Variants in SIMC1 observed in about 807,000 individuals in gnomAD.
SIMC1 encodes the protein SUMO interacting motifs containing 1.
A neutral mutation model predicts 82.3 loss-of-function variants in SIMC1; 55 were observed. The ratio of observed to expected loss-of-function variants is 0.67; its 90% CI spans 0.54 to 0.84. The LOEUF is 0.84. Ranked by LOEUF, SIMC1 falls within the 40% of genes least tolerant of loss-of-function variation. The pLI is 0.00. For synonymous variants in SIMC1, 353 were observed against 426.3 expected (o/e 0.83, Z 2.12); for missense variants, 915 against 1,107.2 (o/e 0.83, Z 2.46).
intron 1 of SIMC1, among the ~76,000 whole-genome samples, chr5:176,274,527 A>G (rs1426988974): frequency 6.6e-6 from 1 of 151,664 alleles, no homozygotes; most frequent in Non-Finnish European, 1.5e-5. Flanking sequence ...CCATTTGTCA[A>G]TTTTGGCTTT....
At chr5:176,332,751 T>TA (rs1358592221) in intron 7 of SIMC1, among the ~76,000 whole-genome samples, 1 of 152,180 alleles carries the variant, frequency 6.6e-6, no homozygotes, top group Non-Finnish European at 1.5e-5. Context: ...TTAAAATTAT[T>TA]AAAGAGTTCA....
chr5:176,311,906 GA>G (rs1764680376), intron 4 of SIMC1, among the ~76,000 whole-genome samples: 1 of 152,190 alleles, frequency 6.6e-6, no homozygotes, highest in Non-Finnish European at 1.5e-5. Context: ...TTTGGGAGAT[GA>G]AAAGGGACAG....
chr5:176,305,173 C>T (rs1175469453), intron 4 of SIMC1, among the ~76,000 whole-genome samples: 26 of 73,804 alleles, frequency 3.5e-4, no homozygotes, highest in Admixed American at 1.2e-4. Flanking sequence ...GCCAGCCGTG[C>T]CGTCCGGGAG....
At chr5:176,245,493 T>C (rs1761406505) in intron 1 of SIMC1, among the ~76,000 whole-genome samples, 1 of 152,244 alleles carries the variant, frequency 6.6e-6, no homozygotes, top group Admixed American at 6.5e-5. Context: ...TGGTAATTTT[T>C]ACTAGGAAAC....
At chr5:176,322,483 A>G (rs1012087724) in intron 6 of SIMC1, 58 bp downstream of exon 6, 20 of 1,522,026 alleles carry the variant, frequency 1.3e-5, no homozygotes, top group Non-Finnish European at 1.7e-5. Flanking sequence ...TTTAGAGAGA[A>G]CAACACCAAT....
Position 176,257,633 on chromosome 5 carries a change from C to T in SIMC1, c.129+18996C>T, listed in dbSNP as rs1397197833. Among the ~76,000 whole-genome samples the T allele has an allele frequency of 2.0e-5, 3 of 152,314 alleles. No individual in the cohort carries two copies. The East Asian group carries it at 5.8e-4, about 29-fold the overall frequency. On this transcript the variant is annotated intron_variant, in intron 1 of 9. Coordinates refer to ENST00000429602, the MANE Select transcript of SIMC1 (RefSeq NM_001308195.2). ...CCCAAATACCTCCCACCAGGCCCCA[C>T]CTCCAACCTTGGGGATTACAATTCA...
Position 176,289,727 on chromosome 5 carries a change from CAA to C in SIMC1, c.204_205del (p.Arg69SerfsTer2). Reference sequence around the variant, plus strand: ...AGTGGACTGTATGTGATTGACCTGACAAGAGCTGAGGGAGAAAATAGACCTAT... The same window carrying C: ...AGTGGACTGTATGTGATTGACCTGACGAGCTGAGGGAGAAAATAGACCTAT... On this transcript the variant is annotated frameshift_variant, in exon 2 of 10. Transcript: ENST00000429602. LOFTEE classifies it high-confidence loss of function. The C allele has an allele frequency of 1.2e-6, 2 of 1,613,454 alleles. No homozygotes were observed. Among genetic ancestry groups the C allele is most frequent in the Non-Finnish European group, 1.7e-6 (2 of 1,179,652 alleles).
At chr5:176,279,649 G>A (rs1225446298) in intron 1 of SIMC1, among the ~76,000 whole-genome samples, 5 of 150,066 alleles carry the variant, frequency 3.3e-5, no homozygotes, top group Admixed American at 6.7e-5. Context: ...CTTTGAATGC[G>A]TCCCAGAGAT....
At chr5:176,283,382 A>G (rs1055641855) in intron 1 of SIMC1, among the ~76,000 whole-genome samples, 2 of 152,196 alleles carry the variant, frequency 1.3e-5, no homozygotes, top group Admixed American at 1.3e-4. Context: ...ACATTCTTAA[A>G]GAAAAGAATT....
At chr5:176,304,719 C>T (rs1203152068) in intron 4 of SIMC1, among the ~76,000 whole-genome samples, 3 of 149,656 alleles carry the variant, frequency 2.0e-5, no homozygotes, top group Non-Finnish European at 4.5e-5. Flanking sequence ...TCCGCCCGGC[C>T]GCCATCCCAT....
At chr5:176,294,841 T>C (rs1487035183) in intron 2 of SIMC1, 189 bp from the exon 3 acceptor site, 5 of 692,368 alleles carry the variant, frequency 7.2e-6, no homozygotes, top group Admixed American at 3.3e-5. Flanking sequence ...GGTGGGCGCC[T>C]GTAGTCCCAG....
rs1762828034 is a variant in SIMC1, at chr5:176,278,655, ATGAAGGGTTGT to A, written c.130-10994_130-10984del. On this transcript the variant is annotated intron_variant, in intron 1 of 9. Transcript: ENST00000429602. ...ACCTAATTTATTGAGAGTTTTTAGC[ATGAAGGGTTGT>A]TGAATTTTGTCAAAGGCTTTTTCTG... 5.5e-5 allele frequency among the ~76,000 whole-genome samples: 4 copies of A among 72,348 alleles called. No individual in the cohort carries two copies. In the South Asian group the frequency reaches 1.5e-3, roughly 27 times the overall value. The allele number at this position is 72,348 out of a possible 152,430, so 47.5% of individuals were successfully genotyped here.
chr5:176,322,560 A>G, intron 6 of SIMC1, 135 bp downstream of exon 6: 2 of 1,107,158 alleles, frequency 1.8e-6, no homozygotes, highest in South Asian at 5.1e-5. Flanking sequence ...TTCAAGACTT[A>G]GTTTAACTAG....
intron 7 of SIMC1, among the ~76,000 whole-genome samples, chr5:176,335,549 A>G (rs901840735): frequency 1.3e-5 from 2 of 151,694 alleles, no homozygotes; most frequent in African/African-American, 4.8e-5. Flanking sequence ...AAGTGCTAGG[A>G]TTACAGGCAT....
chr5:176,287,631 A>T (rs1763349969), intron 1 of SIMC1, among the ~76,000 whole-genome samples: 2 of 139,964 alleles, frequency 1.4e-5, no homozygotes, highest in South Asian at 2.3e-4. Flanking sequence ...AAATATAATA[A>T]TTTTTTAAAA....
Position 176,290,502 on chromosome 5 carries a change from A to G in SIMC1, c.978A>G (p.Pro326=). Residue 326 remains proline, a synonymous_variant, in exon 2 of 10, where the codon CCA becomes CCG. Transcript: ENST00000429602. Reference sequence around the variant, plus strand: ...CACCAAGTGATGTTTCACCGTCACCAGATGCACCACAGTCACCAGGGGGCA... The same window carrying G: ...CACCAAGTGATGTTTCACCGTCACCGGATGCACCACAGTCACCAGGGGGCA... ...PQSPSDVSPS[P]DAPQSPGGMP... 1 of 1,613,998 alleles carries G rather than the reference A, an allele frequency of 6.2e-7. No homozygotes were observed. The highest frequency in any genetic ancestry group is 1.3e-5 in the African/African-American group (1 of 75,036).
chr5:176,247,437 C>G (rs923745820), intron 1 of SIMC1, among the ~76,000 whole-genome samples: 1 of 151,930 alleles, frequency 6.6e-6, no homozygotes, highest in South Asian at 2.1e-4. Flanking sequence ...TATCCTTCGC[C>G]CACTTTTTGA....
At chr5:176,264,664 A>G (rs1195686135) in intron 1 of SIMC1, among the ~76,000 whole-genome samples, 1 of 151,272 alleles carries the variant, frequency 6.6e-6, no homozygotes, top group Non-Finnish European at 1.5e-5. Flanking sequence ...TCTCCTAAAA[A>G]TGCTTGTTCC....
Position 176,267,734 on chromosome 5 carries a change from T to G in SIMC1, c.130-21920T>G, listed in dbSNP as rs1448791600. On this transcript the variant is annotated intron_variant, in intron 1 of 9. Coordinates refer to ENST00000429602, the MANE Select transcript of SIMC1 (RefSeq NM_001308195.2). ...TTCGATAAATTTTCTTTTCTTTCTG[T>G]TTTTTTTTTTTTTTTTTTTTTTTTT... Among the ~76,000 whole-genome samples the G allele has an allele frequency of 9.2e-4, 8 of 8,698 alleles. No individual in the cohort carries two copies. In the East Asian group the frequency reaches 0.01, roughly 11 times the overall value. 5.7% of individuals were successfully genotyped at this position (8,698 alleles called of 152,430 possible).
Sources: gnomAD v4.1 joint callset for allele counts (sites outside exome capture counted in the v4.1 genomes callset) on GRCh38, gnomAD v4.1.1 for gene constraint, MANE v1.5 for transcripts, NCBI Gene and HGNC (gene_info 2026-07-23, HGNC 2026-07-21) for gene names.